Variants in BTBD9 observed in about 807,000 individuals in gnomAD.
BTBD9 encodes the protein BTB/POZ domain-containing protein 9.
A neutral mutation model predicts 64.3 loss-of-function variants in BTBD9; 49 were observed. That is an observed-to-expected ratio of 0.76 (90% CI 0.61 to 0.97). The LOEUF (loss-of-function observed/expected upper bound fraction) is 0.97, where lower values mean the gene tolerates loss of function less well. Ranked by LOEUF, BTBD9 falls within the 50% of genes least tolerant of loss-of-function variation. The probability of loss-of-function intolerance (pLI) is 0.00; values close to 1 mark genes in which losing one functional copy is unlikely to be tolerated. For missense variants in BTBD9, 598 were observed against 762.1 expected (o/e 0.78, Z 2.53); for synonymous variants, 260 against 274.7 (o/e 0.95, Z 0.53).
chr6:38,324,681 G>A (rs1004834581), intron 7 of BTBD9, among the ~76,000 whole-genome samples: 1 of 152,142 alleles, frequency 6.6e-6, no homozygotes, highest in African/African-American at 2.4e-5. Context: ...GTACGTGGGA[G>A]GAAAAGGGCT....
In BTBD9 at chr6:38,315,821, G is replaced by A. The variant is rs541312286; in HGVS notation, c.1265-27360C>T. On this transcript the variant is annotated intron_variant, in intron 7 of 10. Transcript: ENST00000481247. ...TGAAATGTTCTGTAAATATCTATTA[G>A]GTCCAGTTGGTCTATAGCACAGAGT... Among the ~76,000 whole-genome samples the A allele has an allele frequency of 3.3e-5, 5 of 152,238 alleles. No individual in the cohort carries two copies. The South Asian group carries it at 1.0e-3, about 32-fold the overall frequency.
chr6:38,268,560 C>T (rs936564200), intron 8 of BTBD9, among the ~76,000 whole-genome samples: 2 of 152,206 alleles, frequency 1.3e-5, no homozygotes, highest in Non-Finnish European at 2.9e-5. Context: ...ATCACGTAAT[C>T]TCTCTATTTT....
At chr6:38,606,524 C>A (rs1339725384) in intron 1 of BTBD9, among the ~76,000 whole-genome samples, 2 of 151,994 alleles carry the variant, frequency 1.3e-5, no homozygotes, top group Non-Finnish European at 2.9e-5. Context: ...TCATTTGAAA[C>A]ATACAATATA....
At chr6:38,475,562 C>T (rs1308335562) in intron 6 of BTBD9, among the ~76,000 whole-genome samples, 1 of 152,228 alleles carries the variant, frequency 6.6e-6, no homozygotes, top group African/African-American at 2.4e-5. Context: ...CTCATCTTCT[C>T]TGTCCAATTC....
intron 6 of BTBD9, among the ~76,000 whole-genome samples, chr6:38,572,326 A>G (rs1480078946): frequency 1.3e-5 from 2 of 152,182 alleles, no homozygotes; most frequent in Admixed American, 6.5e-5. Context: ...ATGAATACAT[A>G]AAATCTATTT....
At chr6:38,427,185 A>C (rs867643217) in intron 6 of BTBD9, among the ~76,000 whole-genome samples, 41 of 150,252 alleles carry the variant, frequency 2.7e-4, no homozygotes, top group South Asian at 1.5e-3. Context: ...GGAGCTTTAA[A>C]AAAAAAAAAA....
At chr6:38,528,057 C>T (rs1386719028) in intron 6 of BTBD9, among the ~76,000 whole-genome samples, 1 of 152,166 alleles carries the variant, frequency 6.6e-6, no homozygotes, top group African/African-American at 2.4e-5. Context: ...ATCCCTTCCC[C>T]ATTCCCCAGT....
chr6:38,595,817 A>G, intron 2 of BTBD9: 1 of 985,392 alleles, frequency 1.0e-6, no homozygotes, highest in Non-Finnish European at 1.2e-6. Flanking sequence ...GAAGGTTTCC[A>G]TTAATCCAGA....
chr6:38,534,844 A>G (rs9470893), intron 6 of BTBD9, among the ~76,000 whole-genome samples: 3,528 of 152,210 alleles, frequency 0.023, 143 homozygotes, highest in African/African-American at 0.081. Flanking sequence ...AACCCTCAAG[A>G]AACTGGGTAC....
chr6:38,348,576 C>A (rs533801170), intron 6 of BTBD9, among the ~76,000 whole-genome samples: 1 of 152,130 alleles, frequency 6.6e-6, no homozygotes, highest in Non-Finnish European at 1.5e-5. Flanking sequence ...TGAGGATGAA[C>A]GCTGTCCACG....
chr6:38,266,354 C>T (rs1434049326), intron 8 of BTBD9, among the ~76,000 whole-genome samples: 1 of 152,024 alleles, frequency 6.6e-6, no homozygotes, highest in Admixed American at 6.6e-5. Context: ...GGGTGGATCA[C>T]CCGAGGTCAG....
chr6:38,453,632 C>T lies in BTBD9; in HGVS notation c.1155-108539G>A, dbSNP rs558144070. Among the ~76,000 whole-genome samples the T allele has an allele frequency of 5.9e-5, 9 of 152,158 alleles. No homozygotes were observed. The East Asian group carries it at 9.7e-4, about 16-fold the overall frequency. ...TGAGGGTGTAGCTACAGCAACACCCCCCTGAGGACAGCCTGACAACTGGAT... is the reference window on the plus strand; with the variant it reads ...TGAGGGTGTAGCTACAGCAACACCCTCCTGAGGACAGCCTGACAACTGGAT... On this transcript the variant is annotated intron_variant, in intron 6 of 10. Transcript: ENST00000481247.
intron 6 of BTBD9, among the ~76,000 whole-genome samples, chr6:38,435,601 C>CCCTT (rs1357237095): frequency 0.61 from 32,074 of 52,158 alleles, 8,684 homozygotes; most frequent in East Asian, 0.96. Flanking sequence ...TCTTTTCCCT[C>CCCTT]CCTTCCTTCC....
chr6:38,263,785 G>C (rs146850229), intron 8 of BTBD9, among the ~76,000 whole-genome samples: 161 of 152,274 alleles, frequency 1.1e-3, no homozygotes, highest in Middle Eastern at 3.4e-3. Context: ...CTAGTATTCC[G>C]TGAGAAATCT....
At chr6:38,198,890 T>C (rs1762359781) in intron 9 of BTBD9, among the ~76,000 whole-genome samples, 1 of 152,182 alleles carries the variant, frequency 6.6e-6, no homozygotes, top group Non-Finnish European at 1.5e-5. Context: ...TCTCTCTGCA[T>C]CGGCACCTCA....
At chr6:38,413,556 G>A (rs1180550313) in intron 6 of BTBD9, among the ~76,000 whole-genome samples, 1 of 152,052 alleles carries the variant, frequency 6.6e-6, no homozygotes, top group Non-Finnish European at 1.5e-5. Flanking sequence ...CATCTAGATT[G>A]CTCTTCTCTA....
At chr6:38,269,601 T>G (rs1229643653) in intron 8 of BTBD9, among the ~76,000 whole-genome samples, 1 of 152,108 alleles carries the variant, frequency 6.6e-6, no homozygotes, top group Admixed American at 6.6e-5. Context: ...CAGTTGCTTT[T>G]TTTTTTTCCC....
At chr6:38,375,939 GA>G (rs1341900940) in intron 6 of BTBD9, among the ~76,000 whole-genome samples, 4 of 68,760 alleles carry the variant, frequency 5.8e-5, no homozygotes, top group African/African-American at 2.6e-4. Flanking sequence ...AAGAAAGAAA[GA>G]AGGAAAGAAG....
intron 6 of BTBD9, among the ~76,000 whole-genome samples, chr6:38,448,991 T>C (rs566771261): frequency 6.6e-6 from 1 of 152,306 alleles, no homozygotes; most frequent in African/African-American, 2.4e-5. Context: ...TGTTTAGTTC[T>C]GGGTGCTACA....
Sources: allele counts gnomAD v4.1 joint callset (sites outside exome capture counted in the v4.1 genomes callset), GRCh38; gene constraint gnomAD v4.1.1; transcripts MANE v1.5; gene names NCBI Gene and HGNC (gene_info 2026-07-23, HGNC 2026-07-21).